ZFP14: variants seen among roughly 807,000 people sequenced by gnomAD.
ZFP14 encodes the protein ZFP14 zinc finger protein, also known as zinc finger protein 14 homolog.
In ZFP14, 22 loss-of-function variants were observed where a neutral mutation model predicts 54.5. The observed-to-expected ratio is 0.40, with a 90% CI of 0.29 to 0.58. The LOEUF is 0.58. Among genes scored for constraint, ZFP14 ranks in the 20% least tolerant of loss-of-function variants. The pLI is 0.39. For synonymous variants in ZFP14, 159 were observed against 204.0 expected (o/e 0.78, Z 1.88); for missense variants, 470 against 637.8 (o/e 0.74, Z 2.83).
rs2031226291 is a variant in ZFP14, at chr19:36,337,497, A to G, written c.*2727T>C. On this transcript the variant is annotated 3_prime_UTR_variant, in exon 5 of 5. Transcript: ENST00000270001. ...ATAGTATTTACATTGTGATAGGTATAAGTGATCTAAAGATAATTTAAAGTA... is the reference window on the plus strand; with the variant it reads ...ATAGTATTTACATTGTGATAGGTATGAGTGATCTAAAGATAATTTAAAGTA... 6.6e-6 allele frequency: 1 copy of G among 152,260 alleles called. No homozygotes were observed. The highest frequency in any genetic ancestry group is 1.5e-5 in the Non-Finnish European group (1 of 68,040). 9.4% of individuals were successfully genotyped at this position (152,260 alleles called of 1,614,324 possible). A position where few individuals can be genotyped will look rare whatever the true frequency, so the allele number is the denominator to read the frequency against.
intron 4 of ZFP14, among the ~76,000 whole-genome samples, chr19:36,354,808 A>G (rs1488371052): frequency 7.0e-6 from 1 of 142,506 alleles, no homozygotes; most frequent in East Asian, 2.1e-4. Flanking sequence ...AGTAGCTGGG[A>G]CTACAGGCAT....
At chr19:36,370,330 G>A (rs376679980) in intron 1 of ZFP14, among the ~76,000 whole-genome samples, 15 of 152,292 alleles carry the variant, frequency 9.8e-5, no homozygotes, top group East Asian at 1.9e-4. Context: ...CACCAGGCCC[G>A]CCATAGTAAA....
At chr19:36,349,265 AAAAAAC>A (rs2031481369) in intron 4 of ZFP14, among the ~76,000 whole-genome samples, 2 of 146,588 alleles carry the variant, frequency 1.4e-5, no homozygotes, top group African/African-American at 5.1e-5. Context: ...AACAAAAAAA[AAAAAAC>A]AGGAAGAACA....
rs577126684 is a variant in ZFP14, at chr19:36,335,330, G to A, written c.*4894C>T. On this transcript the variant is annotated 3_prime_UTR_variant, in exon 5 of 5. Coordinates refer to ENST00000270001, the MANE Select transcript of ZFP14 (RefSeq NM_020917.3). ...CTTTCTGGAGGTATTTGGTGCTTGG[G>A]AAAAGAAACACTGACCTATTAGCAA... 3 of 152,094 alleles carry A rather than the reference G, an allele frequency of 2.0e-5. No individual in the cohort carries two copies. The East Asian group carries it at 5.8e-4, about 29-fold the overall frequency. The allele number at this position is 152,094 out of a possible 1,614,324, so 9.4% of individuals were successfully genotyped here.
chr19:36,340,615 G>C lies in ZFP14; in HGVS notation c.1211C>G (p.Thr404Ser). The C allele has an allele frequency of 6.2e-7, 1 of 1,614,008 alleles. No individual in the cohort carries two copies. The highest frequency in any genetic ancestry group is 8.5e-7 in the Non-Finnish European group (1 of 1,179,996). The part of the protein sequence containing the change: ...KPYECMECWK[T>S]FSSYSQLISH... ...AATAAGCTGTGAGTAACTACTAAAG[G>C]TCTTCCAACATTCCATACATTCATA... Residue 404 changes from threonine (T) to serine (S), a missense_variant, in exon 5 of 5, where the codon ACC becomes AGC. By Grantham distance (58) the Thr-to-Ser change is moderately conservative. Coordinates refer to ENST00000270001, the MANE Select transcript of ZFP14 (RefSeq NM_020917.3). The surrounding 1 kb of genome is among the most constrained non-coding windows in gnomAD (Gnocchi z 5.4).
intron 4 of ZFP14, among the ~76,000 whole-genome samples, chr19:36,358,173 T>A (rs754984513): frequency 6.6e-6 from 1 of 151,364 alleles, no homozygotes; most frequent in Non-Finnish European, 1.5e-5. Context: ...TGCAGTGGTG[T>A]GATCTCGGCT....
At position 36,367,874 on chromosome 19, in the gene ZFP14, A is replaced by G; in HGVS notation, c.9+10T>C. 2 of 1,611,936 alleles carry G rather than the reference A, an allele frequency of 1.2e-6. No homozygotes were observed. Among genetic ancestry groups the G allele is most frequent in the African/African-American group, 1.3e-5 (1 of 74,940 alleles). ...AGTATTTCGAAAAGGACAGAGAAAC[A>G]TTAACTTACATGGGCCATGGTTTTA... On this transcript the variant is annotated intron_variant, in intron 2 of 4. Coordinates refer to ENST00000270001, the MANE Select transcript of ZFP14 (RefSeq NM_020917.3).
At chr19:36,344,225 G>A (rs1166334878) in intron 4 of ZFP14, among the ~76,000 whole-genome samples, 4 of 152,072 alleles carry the variant, frequency 2.6e-5, no homozygotes, top group South Asian at 2.1e-4. Flanking sequence ...GGCTGGTCTC[G>A]AACTCCTGAC....
chr19:36,342,745 T>C (rs2031345087), intron 4 of ZFP14, among the ~76,000 whole-genome samples: 1 of 151,938 alleles, frequency 6.6e-6, no homozygotes, highest in African/African-American at 2.4e-5. Flanking sequence ...TATATTCCTC[T>C]GGGGAGGGAG....
rs774437190 is a variant in ZFP14 at position 36,340,727 on chromosome 19, G to A, written c.1099C>T (p.Pro367Ser). Residue 367 changes from proline to serine, a missense_variant, in exon 5 of 5, where the codon CCC (proline) becomes TCC (serine). Transcript: ENST00000270001. This position sits in a 1 kb window ranked among gnomAD's most constrained non-coding sequence, Gnocchi z 5.4. The part of the protein sequence containing the change: ...VHQSIHTGEK[P>S]YECKECGKTF... ...TTCCCACATTCCTTACATTCGTAGG[G>A]TTTCTCACCAGTATGAATACTCTGA... is the stretch of plus-strand genomic sequence containing the variant. 87 of 1,613,914 alleles carry A rather than the reference G, an allele frequency of 5.4e-5. No homozygotes were observed. The highest frequency in any genetic ancestry group is 7.0e-5 in the Non-Finnish European group (83 of 1,180,028).
chr19:36,340,487 T>A lies in ZFP14; in HGVS notation c.1339A>T (p.Thr447Ser). The A allele has an allele frequency of 6.2e-7, 1 of 1,613,932 alleles. No homozygotes were observed. Residue 447 changes from threonine (T) to serine (S), a missense_variant, in exon 5 of 5, where the codon ACT (threonine) becomes TCT (serine). Thr to Ser is a moderately conservative substitution (Grantham distance 58, BLOSUM62 1). Transcript: ENST00000270001. The surrounding 1 kb of genome is among the most constrained non-coding windows in gnomAD (Gnocchi z 5.4). Reference protein sequence around the residue: ...SQLTQHQSIHTGEKPYECKEC... With the variant: ...SQLTQHQSIHSGEKPYECKEC... ...TTACATTCATAAGGTTTCTCACCAG[T>A]GTGAATACTTTGATGCTGAGTAAGT... is the stretch of plus-strand genomic sequence containing the variant.
chr19:36,371,878 G>C (rs1453808429), intron 1 of ZFP14, among the ~76,000 whole-genome samples: 2 of 151,266 alleles, frequency 1.3e-5, no homozygotes, highest in East Asian at 3.9e-4. Context: ...GGATCACTTG[G>C]ACCCAGAAGT....
rs1342448126 is a variant in ZFP14, at chr19:36,334,544, CAT to C, written c.*5678_*5679del. ...AATATATAAGCATGTTTAACACAAA[CAT>C]ATCAAGGATCGGGCTGGAATCTTTT... On this transcript the variant is annotated 3_prime_UTR_variant, in exon 5 of 5. Coordinates refer to ENST00000270001, the MANE Select transcript of ZFP14 (RefSeq NM_020917.3). The C allele has an allele frequency of 6.6e-6, 1 of 152,170 alleles. No individual in the cohort carries two copies. The highest frequency in any genetic ancestry group is 2.4e-5 in the African/African-American group (1 of 41,454). The allele number at this position is 152,170 out of a possible 1,614,324, so 9.4% of individuals were successfully genotyped here.
At chr19:36,368,718 G>T (rs137858827) in intron 1 of ZFP14, among the ~76,000 whole-genome samples, 1 of 152,162 alleles carries the variant, frequency 6.6e-6, no homozygotes, top group African/African-American at 2.4e-5. Context: ...AGACCACACA[G>T]ATTGAACCTG....
chr19:36,356,411 G>C (rs937926356), intron 4 of ZFP14, among the ~76,000 whole-genome samples: 1 of 151,060 alleles, frequency 6.6e-6, no homozygotes, highest in African/African-American at 2.4e-5. Context: ...GTGGGTGACA[G>C]AGCGAGACTG....
chr19:36,378,726 C>T (rs1339937381), intron 1 of ZFP14: 1 of 152,220 alleles, frequency 6.6e-6, no homozygotes, highest in Non-Finnish European at 1.5e-5. Context: ...CACACCCCCG[C>T]TAGCGCACTT....
rs1423269651 is a variant in ZFP14, at chr19:36,338,341, T to C, written c.*1883A>G. 1 of 151,992 alleles carries C rather than the reference T, an allele frequency of 6.6e-6. No homozygotes were observed. The highest frequency in any genetic ancestry group is 2.4e-5 in the African/African-American group (1 of 41,390). The allele number at this position is 151,992 out of a possible 1,614,324, so 9.4% of individuals were successfully genotyped here. On this transcript the variant is annotated 3_prime_UTR_variant, in exon 5 of 5. Transcript: ENST00000270001. ...TGGTGACCCTGAAATTTGGTTCACA[T>C]GGGAAAAGGAAACTAAATGACAATT...
At chr19:36,351,613 T>C in intron 4 of ZFP14, among the ~76,000 whole-genome samples, 1 of 142,056 alleles carries the variant, frequency 7.0e-6, no homozygotes, top group Non-Finnish European at 1.6e-5. Context: ...GTAATCACAG[T>C]ACTTTGGGAG....
intron 4 of ZFP14, among the ~76,000 whole-genome samples, chr19:36,348,381 A>G (rs138922988): frequency 3.9e-5 from 6 of 152,304 alleles, no homozygotes; most frequent in Non-Finnish European, 7.3e-5. Flanking sequence ...CCTTTAGGCT[A>G]AGTTGGCCTT....
Sources: gnomAD v4.1 joint callset for allele counts (sites outside exome capture counted in the v4.1 genomes callset) on GRCh38, gnomAD v4.1.1 for gene constraint, Gnocchi (gnomAD v3.1) non-coding constraint, MANE v1.5 for transcripts, NCBI Gene and HGNC (gene_info 2026-07-23, HGNC 2026-07-21) for gene names.